ATP6V1B1: variants seen among roughly 807,000 people sequenced by gnomAD.
ATP6V1B1 encodes ATPase H+ transporting V1 subunit B1.
A neutral mutation model predicts 62.1 loss-of-function variants in ATP6V1B1; 41 were observed. The ratio of observed to expected loss-of-function variants is 0.66; its 90% CI spans 0.51 to 0.86. The LOEUF is 0.86. ATP6V1B1 is among the 40% of genes least tolerant of loss of function. ATP6V1B1 has a pLI of 0.00. For synonymous variants in ATP6V1B1, 253 were observed against 273.4 expected, an observed-to-expected ratio of 0.93 and a Z score of 0.74; for missense variants, 651 against 697.5, an observed-to-expected ratio of 0.93 and a Z score of 0.75.
At position 70,962,714 on chromosome 2, in the gene ATP6V1B1, C is replaced by G. The variant is rs73937083; in HGVS notation, c.786-63C>G. 2,746 of 1,606,194 alleles carry G rather than the reference C, an allele frequency of 1.7e-3. 47 individuals are homozygous for G. In the African/African-American group the frequency reaches 0.033, roughly 19 times the overall value. On this transcript the variant is annotated intron_variant, in intron 8 of 13. Transcript: ENST00000234396. ...TCCCAGTTCACCTTGCGCTCAGCCC[C>G]CAGGCTATGTGGTGCATTAGCCCAG...
intron 1 of ATP6V1B1, among the ~76,000 whole-genome samples, chr2:70,943,194 AC>A (rs1680048723): frequency 6.6e-6 from 1 of 152,072 alleles, no homozygotes; most frequent in African/African-American, 2.4e-5. Flanking sequence ...ACATACACAC[AC>A]ACACACACAC....
chr2:70,943,378 G>A (rs782271249), intron 1 of ATP6V1B1: 7 of 596,222 alleles, frequency 1.2e-5, no homozygotes, highest in African/African-American at 1.8e-5. Context: ...CCTCAGGGAT[G>A]AGAGGCCTCT....
At chr2:70,942,924 G>T (rs1179426311) in intron 1 of ATP6V1B1, among the ~76,000 whole-genome samples, 1 of 152,212 alleles carries the variant, frequency 6.6e-6, no homozygotes, top group Non-Finnish European at 1.5e-5. Flanking sequence ...CTTGCCTCCC[G>T]CAAGTCCACA....
chr2:70,952,761 C>G (rs1680349562), intron 2 of ATP6V1B1, among the ~76,000 whole-genome samples: 1 of 152,094 alleles, frequency 6.6e-6, no homozygotes, highest in Non-Finnish European at 1.5e-5. Flanking sequence ...CCTTTTGGCT[C>G]TATCTTTAAT....
intron 2 of ATP6V1B1, among the ~76,000 whole-genome samples, chr2:70,951,414 G>T (rs1445518628): frequency 6.6e-6 from 1 of 152,008 alleles, no homozygotes; most frequent in Non-Finnish European, 1.5e-5. Context: ...CCTGATATCG[G>T]GTAAGCTGAT....
At chr2:70,961,161 G>T in intron 7 of ATP6V1B1, 139 bp downstream of exon 7, 2 of 870,402 alleles carry the variant, frequency 2.3e-6, no homozygotes, top group East Asian at 5.4e-5. Flanking sequence ...TGGGAGCAGT[G>T]ACCACGGCCA....
intron 2 of ATP6V1B1, among the ~76,000 whole-genome samples, chr2:70,946,514 C>T (rs1297408545): frequency 1.3e-5 from 2 of 152,222 alleles, no homozygotes; most frequent in Non-Finnish European, 2.9e-5. Flanking sequence ...AGAAGTCTGT[C>T]CTCACAAGCC....
chr2:70,949,225 CAG>C (rs1553417916), intron 2 of ATP6V1B1, among the ~76,000 whole-genome samples: 1 of 152,102 alleles, frequency 6.6e-6, no homozygotes, highest in Non-Finnish European at 1.5e-5. Flanking sequence ...AAGGGACTGA[CAG>C]TGGATCCACT....
Position 70,959,891 on chromosome 2 carries a change from G to A in ATP6V1B1, c.446-48G>A, listed in dbSNP as rs782072996. 2.2e-5 allele frequency: 35 copies of A among 1,613,802 alleles called. No homozygotes were observed. Among genetic ancestry groups the A allele is most frequent in the Middle Eastern group, 1.6e-4 (1 of 6,084 alleles). ...CTGGGGTCAGTGTCGAGGAGAGCAG[G>A]GAAGGGTTTGAACCCCTGAGCATGG... On this transcript the variant is annotated intron_variant, in intron 5 of 13. Coordinates refer to ENST00000234396, the MANE Select transcript of ATP6V1B1 (RefSeq NM_001692.4). This position sits in a 1 kb window ranked among gnomAD's most constrained non-coding sequence, Gnocchi z 4.2.
rs2104827670 is a variant in ATP6V1B1 at position 70,960,042 on chromosome 2, C to A, written c.549C>A (p.Ile183=). ...ACAGCATTGCCCGCGGCCAGAAGATCCCCATCTTCTCAGCAGCCGGGCTCC... is the reference window on the plus strand; with the variant it reads ...ACAGCATTGCCCGCGGCCAGAAGATACCCATCTTCTCAGCAGCCGGGCTCC... ...VMNSIARGQK[I]PIFSAAGLPH... The change falls in exon 6 of 14, where the codon ATC becomes ATA. Residue 183 remains isoleucine (I), a synonymous_variant. Transcript: ENST00000234396. The A allele has an allele frequency of 6.2e-7, 1 of 1,614,232 alleles. No individual in the cohort carries two copies. Among genetic ancestry groups the A allele is most frequent in the Middle Eastern group, 1.6e-4 (1 of 6,062 alleles).
At chr2:70,957,639 A>G (rs951325662) in intron 2 of ATP6V1B1, 15 of 327,038 alleles carry the variant, frequency 4.6e-5, no homozygotes, top group South Asian at 3.9e-4. Flanking sequence ...AGTGCCAGGC[A>G]CCATGCTAAT....
chr2:70,965,034 G>A lies in ATP6V1B1; in HGVS notation c.1455G>A (p.Met485Ile). ...WKLLRIFPKE[M>I]LKRIPQAVID... is the part of the protein sequence containing the mutation. ...TGCTGCGCATCTTCCCCAAGGAGAT[G>A]CTGAAGCGCATTCCGCAGGCCGTGA... The change falls in exon 14 of 14, where the codon ATG (methionine) becomes ATA (isoleucine). Residue 485 changes from methionine (M) to isoleucine (I), a missense_variant. Met to Ile is a conservative substitution (Grantham distance 10). Transcript: ENST00000234396. The A allele has an allele frequency of 1.9e-6, 3 of 1,613,582 alleles. No homozygotes were observed. The highest frequency in any genetic ancestry group is 2.5e-6 in the Non-Finnish European group (3 of 1,180,036).
At chr2:70,938,325 G>A (rs1210487624) in intron 1 of ATP6V1B1, among the ~76,000 whole-genome samples, 1 of 152,060 alleles carries the variant, frequency 6.6e-6, no homozygotes, top group Non-Finnish European at 1.5e-5. Context: ...GAAATTTAGG[G>A]CTGCACCCTC....
chr2:70,939,346 A>G (rs1445368318), intron 1 of ATP6V1B1: 4 of 152,488 alleles, frequency 2.6e-5, no homozygotes, highest in African/African-American at 9.6e-5. Flanking sequence ...TGGAAGGCCC[A>G]TGGAAGGAGC....
intron 12 of ATP6V1B1, 84 bp downstream of exon 12, chr2:70,964,626 T>G: frequency 6.2e-7 from 1 of 1,611,700 alleles, no homozygotes; most frequent in South Asian, 1.1e-5. Flanking sequence ...GACAAGCTTT[T>G]CTCCTGGCAA....
At chr2:70,958,258 G>A (rs2104825420) in intron 3 of ATP6V1B1, 75 bp from the exon 4 acceptor site, 2 of 1,595,880 alleles carry the variant, frequency 1.3e-6, no homozygotes, top group Non-Finnish European at 1.7e-6. Context: ...TGAGAGCACA[G>A]AAAGTGCCCA....
rs558437603 is a variant in ATP6V1B1, at chr2:70,960,644, A to G, written c.586-277A>G. Among the ~76,000 whole-genome samples, 7 of 152,038 alleles carry G rather than the reference A, an allele frequency of 4.6e-5. No individual in the cohort carries two copies. In the South Asian group the frequency reaches 1.5e-3, roughly 32 times the overall value. The stretch of plus-strand genomic sequence containing the variant: ...CGCCCCCAGCAGGCTGTGGAGGGGT[A>G]TGGAGCTGCCCTATGCCAAGGTACC... On this transcript the variant is annotated intron_variant, in intron 6 of 13. Coordinates refer to ENST00000234396, the MANE Select transcript of ATP6V1B1 (RefSeq NM_001692.4).
rs55871344 is a variant in ATP6V1B1, at chr2:70,950,932, ATTTTTTTT to A, written c.175-7094_175-7087del. Among the ~76,000 whole-genome samples, 4 of 64,624 alleles carry A rather than the reference ATTTTTTTT, an allele frequency of 6.2e-5. No individual in the cohort carries two copies. The South Asian group carries it at 2.1e-3, about 34-fold the overall frequency. The allele number at this position is 64,624 out of a possible 152,430, so 42.4% of individuals were successfully genotyped here. On this transcript the variant is annotated intron_variant, in intron 2 of 13. Transcript: ENST00000234396. ...ACTGTGTGTGCATAATTTTTTCCTGATTTTTTTTTTTTTTTTTTTTTTTTTTTGAGACG... is the reference window on the plus strand; with the variant it reads ...ACTGTGTGTGCATAATTTTTTCCTGATTTTTTTTTTTTTTTTTTTGAGACG...
intron 2 of ATP6V1B1, among the ~76,000 whole-genome samples, chr2:70,944,816 C>T (rs1680114235): frequency 6.6e-6 from 1 of 152,094 alleles, no homozygotes; most frequent in Non-Finnish European, 1.5e-5. Flanking sequence ...CTACAGGCAC[C>T]CGCTACCACG....
Sources: gnomAD v4.1 joint callset for allele counts (sites outside exome capture counted in the v4.1 genomes callset) on GRCh38, gnomAD v4.1.1 for gene constraint, Gnocchi (gnomAD v3.1) non-coding constraint, MANE v1.5 for transcripts, NCBI Gene and HGNC (gene_info 2026-07-23, HGNC 2026-07-21) for gene names.